Variants in EVA1C observed in about 807,000 individuals in gnomAD.
EVA1C encodes the protein eva-1 homolog C, also known as protein eva-1 homolog C.
A neutral mutation model predicts 45.4 loss-of-function variants in EVA1C; 25 were observed. The ratio of observed to expected loss-of-function variants is 0.55; its 90% CI spans 0.40 to 0.77. The LOEUF is 0.77. Ranked by LOEUF, EVA1C falls within the 30% of genes least tolerant of loss-of-function variation. The pLI, the probability that EVA1C is intolerant of heterozygous loss-of-function variation, is 0.00. For synonymous variants in EVA1C, 190 were observed against 221.2 expected, an observed-to-expected ratio of 0.86 and a Z score of 1.25; for missense variants, 479 against 554.8, an observed-to-expected ratio of 0.86 and a Z score of 1.37.
chr21:32,436,488 C>T (rs1185486975), intron 1 of EVA1C, among the ~76,000 whole-genome samples: 1 of 152,296 alleles, frequency 6.6e-6, no homozygotes, highest in Non-Finnish European at 1.5e-5. Flanking sequence ...CTTTGCTTCT[C>T]CTATGTCATC....
intron 1 of EVA1C, among the ~76,000 whole-genome samples, chr21:32,451,863 T>C (rs2035591695): frequency 6.6e-6 from 1 of 152,198 alleles, no homozygotes; most frequent in East Asian, 1.9e-4. Context: ...ACTTAATTCA[T>C]TACATCTGCA....
intron 5 of EVA1C, among the ~76,000 whole-genome samples, chr21:32,496,238 A>C (rs897731054): frequency 6.6e-6 from 1 of 152,190 alleles, no homozygotes; most frequent in East Asian, 1.9e-4. Flanking sequence ...ATTTCCTAGA[A>C]ATGGAATCAT....
intron 4 of EVA1C, among the ~76,000 whole-genome samples, chr21:32,476,453 C>T (rs1315384975): frequency 6.6e-6 from 1 of 151,944 alleles, no homozygotes; most frequent in African/African-American, 2.4e-5. Context: ...ACCAGCCTGG[C>T]CAACATGGTG....
intron 7 of EVA1C, among the ~76,000 whole-genome samples, chr21:32,507,755 T>C (rs1262516415): frequency 6.7e-6 from 1 of 149,486 alleles, no homozygotes. Context: ...TGCATATGTG[T>C]TTGCGTGTGT....
chr21:32,460,356 C>T (rs911669215), intron 3 of EVA1C, among the ~76,000 whole-genome samples: 1 of 152,224 alleles, frequency 6.6e-6, no homozygotes, highest in African/African-American at 2.4e-5. Context: ...ACATCTTCCT[C>T]TCATCCTGCC....
chr21:32,464,305 AG>A (rs1413560992), intron 3 of EVA1C, among the ~76,000 whole-genome samples: 8 of 152,294 alleles, frequency 5.3e-5, no homozygotes, highest in African/African-American at 1.9e-4. Context: ...AGGGCAGGAT[AG>A]GGATTTTGTG....
At chr21:32,420,239 G>A (rs965732083) in intron 1 of EVA1C, among the ~76,000 whole-genome samples, 2 of 152,030 alleles carry the variant, frequency 1.3e-5, no homozygotes, top group Non-Finnish European at 2.9e-5. Flanking sequence ...GCATGGTGGT[G>A]GGCGCCTGTA....
At chr21:32,501,758 C>G (rs2037538034) in intron 6 of EVA1C, among the ~76,000 whole-genome samples, 1 of 152,138 alleles carries the variant, frequency 6.6e-6, no homozygotes, top group Non-Finnish European at 1.5e-5. Context: ...AAAGGAAAAT[C>G]ACTTTGAAAA....
chr21:32,515,296 T>G lies in EVA1C; in HGVS notation c.*106T>G. 7.8e-7 allele frequency: 1 copy of G among 1,284,598 alleles called. No individual in the cohort carries two copies. The highest frequency in any genetic ancestry group is 1.1e-6 in the Non-Finnish European group (1 of 934,864). 79.6% of individuals were successfully genotyped at this position (1,284,598 alleles called of 1,614,324 possible). A position where few individuals can be genotyped will look rare whatever the true frequency, so the allele number is the denominator to read the frequency against. Reference sequence around the variant, plus strand: ...ACCTTCTATGAAGGAGAATTCGTCATGTCATTCAACACTCGTGAGGCCAGG... The same window carrying G: ...ACCTTCTATGAAGGAGAATTCGTCAGGTCATTCAACACTCGTGAGGCCAGG... On this transcript the variant is annotated 3_prime_UTR_variant, in exon 8 of 8. Coordinates refer to ENST00000300255, the MANE Select transcript of EVA1C (RefSeq NM_058187.5).
rs750484449 is a variant in EVA1C at position 32,515,203 on chromosome 21, T to C, written c.*13T>C. The C allele has an allele frequency of 1.3e-6, 2 of 1,554,780 alleles. No homozygotes were observed. Among genetic ancestry groups the C allele is most frequent in the South Asian group, 1.2e-5 (1 of 81,648 alleles). On this transcript the variant is annotated 3_prime_UTR_variant, in exon 8 of 8. Coordinates refer to ENST00000300255, the MANE Select transcript of EVA1C (RefSeq NM_058187.5). ...CCAGTTCTACTGAAAACCACATGCA[T>C]CTTGATGCGATCGCACTTTCTGAAG... is the stretch of plus-strand genomic sequence containing the variant.
At chr21:32,507,451 CGTGTGCGT>C (rs1015406410) in intron 7 of EVA1C, among the ~76,000 whole-genome samples, 1 of 139,590 alleles carries the variant, frequency 7.2e-6, no homozygotes, top group African/African-American at 2.7e-5. Flanking sequence ...GGTGTCTATG[CGTGTGCGT>C]GTGTGCATGT....
intron 4 of EVA1C, among the ~76,000 whole-genome samples, chr21:32,481,854 T>C (rs572192928): frequency 4.6e-5 from 7 of 152,338 alleles, no homozygotes; most frequent in African/African-American, 1.7e-4. Flanking sequence ...TTTTATTTCC[T>C]ATATGCAGAT....
intron 1 of EVA1C, chr21:32,453,073 C>T: frequency 2.2e-6 from 1 of 448,418 alleles, no homozygotes; most frequent in Non-Finnish European, 4.0e-6. Context: ...CCCCACCCTT[C>T]TCTACCCAGC....
chr21:32,506,414 C>G (rs1294204343), intron 7 of EVA1C, among the ~76,000 whole-genome samples: 1 of 151,324 alleles, frequency 6.6e-6, no homozygotes, highest in Admixed American at 6.6e-5. Context: ...ACTTGATGAG[C>G]TGTTATTTGA....
chr21:32,460,735 G>A (rs1270743962), intron 3 of EVA1C, among the ~76,000 whole-genome samples: 1 of 150,492 alleles, frequency 6.6e-6, no homozygotes, highest in Admixed American at 6.7e-5. Context: ...TTGGTACTAC[G>A]CAAGCAGCTC....
rs1178545311 is a variant in EVA1C, at chr21:32,467,932, T to G, written c.634+84T>G. 5.6e-6 allele frequency: 5 copies of G among 896,802 alleles called. No homozygotes were observed. The African/African-American group carries it at 8.9e-5, about 16-fold the overall frequency. The allele number at this position is 896,802 out of a possible 1,614,324, so 55.6% of individuals were successfully genotyped here. ...TATATATATATATATCCTATATATA[T>G]CCTATATGATTGTGAAAGTCAATAC... On this transcript the variant is annotated intron_variant, in intron 4 of 7. Transcript: ENST00000300255.
intron 5 of EVA1C, among the ~76,000 whole-genome samples, chr21:32,501,119 C>T (rs1431604808): frequency 2.0e-5 from 3 of 152,114 alleles, no homozygotes; most frequent in Non-Finnish European, 1.5e-5. Flanking sequence ...GGCCTTCATT[C>T]CGTTTTATTA....
At chr21:32,456,587 C>T (rs1277786783) in intron 2 of EVA1C, among the ~76,000 whole-genome samples, 2 of 152,190 alleles carry the variant, frequency 1.3e-5, no homozygotes, top group African/African-American at 2.4e-5. Flanking sequence ...GCATTCTTCA[C>T]GGAGCTATTC....
chr21:32,418,380 C>A (rs886808634), intron 1 of EVA1C, among the ~76,000 whole-genome samples: 34 of 152,122 alleles, frequency 2.2e-4, no homozygotes, highest in Admixed American at 1.8e-3. Flanking sequence ...AGTTTTCTGC[C>A]GGCTCTTTTT....
Sources: allele counts gnomAD v4.1 joint callset (sites outside exome capture counted in the v4.1 genomes callset), GRCh38; gene constraint gnomAD v4.1.1; transcripts MANE v1.5; gene names NCBI Gene and HGNC (gene_info 2026-07-23, HGNC 2026-07-21).